The following ASTN2 variants were observed in gnomAD, a reference collection of about 807,000 sequenced individuals.
ASTN2 encodes the protein astrotactin-2.
ASTN2 carries 54 observed loss-of-function variants against 139.8 expected under a neutral mutation model. The ratio of observed to expected loss-of-function variants is 0.39; its 90% CI spans 0.31 to 0.48. The LOEUF is 0.48. Ranked by LOEUF, ASTN2 falls within the 20% of genes least tolerant of loss-of-function variation. The pLI is 0.95. For missense variants in ASTN2, 1,565 were observed against 1,725.1 expected (o/e 0.91, Z 1.64); for synonymous variants, 756 against 719.5 (o/e 1.05, Z -0.81).
intron 17 of ASTN2, among the ~76,000 whole-genome samples, chr9:116,641,067 G>A (rs1160116329): frequency 6.6e-6 from 1 of 152,162 alleles, no homozygotes; most frequent in Non-Finnish European, 1.5e-5. Context: ...AGAAAGGGAG[G>A]CAATTCATGG....
chr9:117,272,725 T>C (rs1834096249), intron 2 of ASTN2, among the ~76,000 whole-genome samples: 2 of 152,170 alleles, frequency 1.3e-5, no homozygotes, highest in Non-Finnish European at 2.9e-5. Flanking sequence ...TGCCAGTCTC[T>C]TCACTAAAAC....
At chr9:116,556,443 C>T (rs943245729) in intron 19 of ASTN2, among the ~76,000 whole-genome samples, 1 of 152,086 alleles carries the variant, frequency 6.6e-6, no homozygotes, top group African/African-American at 2.4e-5. Context: ...CTGGGCAACA[C>T]AGCCAGACTC....
chr9:116,530,137 A>ATG (rs1851274865), intron 19 of ASTN2, among the ~76,000 whole-genome samples: 1 of 28,912 alleles, frequency 3.5e-5, no homozygotes, highest in Non-Finnish European at 7.1e-5. Context: ...ATATATATAT[A>ATG]TATATATATA....
chr9:116,687,035 G>A, intron 16 of ASTN2: 1 of 1,362,446 alleles, frequency 7.3e-7, no homozygotes, highest in East Asian at 3.0e-5. Context: ...ACTGGAGTCA[G>A]ATACGCATTC....
chr9:116,855,627 G>A (rs1028857827), intron 11 of ASTN2, among the ~76,000 whole-genome samples: 2 of 152,130 alleles, frequency 1.3e-5, no homozygotes, highest in Non-Finnish European at 2.9e-5. Context: ...GGGGACATTC[G>A]CCTTATCCCT....
intron 10 of ASTN2, among the ~76,000 whole-genome samples, chr9:116,864,964 A>G (rs1167307984): frequency 1.3e-5 from 2 of 152,176 alleles, no homozygotes; most frequent in Non-Finnish European, 2.9e-5. Context: ...GTACTTAGAG[A>G]AGAAATATAA....
intron 19 of ASTN2, among the ~76,000 whole-genome samples, chr9:116,503,973 T>A (rs934499311): frequency 6.6e-6 from 1 of 152,146 alleles, no homozygotes; most frequent in African/African-American, 2.4e-5. Context: ...GCTGACTTCA[T>A]GAACTTGGGT....
intron 11 of ASTN2, among the ~76,000 whole-genome samples, chr9:116,824,865 G>A (rs756549013): frequency 3.9e-5 from 6 of 152,252 alleles, no homozygotes; most frequent in Non-Finnish European, 7.4e-5. Flanking sequence ...ATCAGAGAAC[G>A]TTAGTTATAG....
rs780926316 is a variant in ASTN2, at chr9:117,414,545, C to T, written c.394G>A (p.Ala132Thr). 1.4e-5 allele frequency: 23 copies of T among 1,605,106 alleles called. No individual in the cohort carries two copies. In the Middle Eastern group the frequency reaches 6.8e-4, roughly 48 times the overall value. Residue 132 changes from alanine (A) to threonine (T), a missense_variant, in exon 1 of 23, where the codon GCG (alanine) becomes ACG (threonine). Ala to Thr is a moderately conservative substitution (Grantham distance 58, BLOSUM62 0). Coordinates refer to ENST00000313400, the MANE Select transcript of ASTN2 (RefSeq NM_001365068.1). The surrounding 1 kb of genome is among the most constrained non-coding windows in gnomAD (Gnocchi z 4.2). ...GTGTTGTCCAGGTCGTCCTGCACCG[C>T]GATGCGCCCCGGCAGCTCGTTACGC... The part of the protein sequence containing the change: ...FVRNELPGRI[A>T]VQDDLDNTEL...
Position 117,414,915 on chromosome 9 carries a change from G to T in ASTN2, c.24C>A (p.Leu8=), listed in dbSNP as rs577092797. The change falls in exon 1 of 23, where the codon CTC becomes CTA. Residue 8 remains leucine, a synonymous_variant. Coordinates refer to ENST00000313400, the MANE Select transcript of ASTN2 (RefSeq NM_001365068.1). The surrounding 1 kb of genome is among the most constrained non-coding windows in gnomAD (Gnocchi z 4.2). MAAAGAR[L]SPGPGSGLRG... is the part of the protein sequence containing the mutation. ...GGAGCCCCGAGCCGGGGCCGGGGCTGAGCCGGGCGCCGGCGGCGGCCATGG... is the reference window on the plus strand; with the variant it reads ...GGAGCCCCGAGCCGGGGCCGGGGCTTAGCCGGGCGCCGGCGGCGGCCATGG... 2 of 550,242 alleles carry T rather than the reference G, an allele frequency of 3.6e-6. No individual in the cohort carries two copies. Among genetic ancestry groups the T allele is most frequent in the Non-Finnish European group, 4.9e-6 (2 of 407,242 alleles). The allele number at this position is 550,242 out of a possible 1,614,324, so 34.1% of individuals were successfully genotyped here. A position where few individuals can be genotyped will look rare whatever the true frequency, so the allele number is the denominator to read the frequency against.
chr9:117,071,364 G>A (rs561068196), intron 5 of ASTN2, among the ~76,000 whole-genome samples: 3 of 149,566 alleles, frequency 2.0e-5, no homozygotes, highest in Admixed American at 2.0e-4. Flanking sequence ...GGCAGTCTGC[G>A]GGTTCTCAGA....
At chr9:117,005,601 G>A (rs563433715) in intron 7 of ASTN2, among the ~76,000 whole-genome samples, 30 of 152,154 alleles carry the variant, frequency 2.0e-4, no homozygotes, top group Non-Finnish European at 3.2e-4. Context: ...CCAGTGGCCA[G>A]AGATAAGAAC....
At chr9:117,139,264 GTGGTCTACA>G (rs756219885) in intron 4 of ASTN2, among the ~76,000 whole-genome samples, 2 of 152,178 alleles carry the variant, frequency 1.3e-5, no homozygotes, top group Non-Finnish European at 2.9e-5. Flanking sequence ...ACTTTCCAAG[GTGGTCTACA>G]TTCAGCCTTT....
chr9:116,449,189 T>C (rs1447418892), intron 20 of ASTN2, among the ~76,000 whole-genome samples: 5 of 152,166 alleles, frequency 3.3e-5, no homozygotes, highest in African/African-American at 4.8e-5. Flanking sequence ...GTGGATTGCA[T>C]GAGCCCAGGA....
chr9:116,766,086 A>G (rs1829799597), intron 13 of ASTN2, among the ~76,000 whole-genome samples: 2 of 152,248 alleles, frequency 1.3e-5, no homozygotes, highest in South Asian at 2.1e-4. Context: ...AGAGCCTAAA[A>G]CATGGCAAGC....
chr9:117,342,835 C>A (rs1013882021), intron 1 of ASTN2, among the ~76,000 whole-genome samples: 2 of 152,152 alleles, frequency 1.3e-5, no homozygotes, highest in African/African-American at 2.4e-5. Flanking sequence ...CCCTGATGAC[C>A]TTCAGTGGCA....
chr9:117,211,919 T>C (rs1046015323), intron 3 of ASTN2, among the ~76,000 whole-genome samples: 1 of 120,474 alleles, frequency 8.3e-6, no homozygotes, highest in African/African-American at 3.1e-5. Context: ...TACAAAAAAA[T>C]GAAAAGACCT....
chr9:116,626,174 T>G (rs1856451848), intron 17 of ASTN2, among the ~76,000 whole-genome samples: 1 of 134,914 alleles, frequency 7.4e-6, no homozygotes, highest in African/African-American at 2.8e-5. Context: ...TTTTTTTTTT[T>G]TTTTTTTTTT....
At chr9:117,229,528 A>G (rs1441035847) in intron 2 of ASTN2, among the ~76,000 whole-genome samples, 1 of 152,310 alleles carries the variant, frequency 6.6e-6, no homozygotes, top group East Asian at 1.9e-4. Flanking sequence ...GCGTCCCCAA[A>G]CTGCCACCCA....
Sources: allele counts gnomAD v4.1 joint callset (sites outside exome capture counted in the v4.1 genomes callset), GRCh38; gene constraint gnomAD v4.1.1; non-coding constraint Gnocchi (gnomAD v3.1); transcripts MANE v1.5; gene names NCBI Gene and HGNC (gene_info 2026-07-23, HGNC 2026-07-21).